The following CDR2 variants were observed in gnomAD, a reference collection of about 807,000 sequenced individuals.
The protein encoded by CDR2 is cerebellar degeneration-related protein 2.
In CDR2, 34 loss-of-function variants were observed where a neutral mutation model predicts 48.4. The observed-to-expected ratio is 0.70, with a 90% CI of 0.53 to 0.94. CDR2 has a LOEUF of 0.94. Among genes scored for constraint, CDR2 ranks in the 40% least tolerant of loss-of-function variants. The pLI is 0.00. For synonymous variants in CDR2, 240 were observed against 219.7 expected, an observed-to-expected ratio of 1.09 and a Z score of -0.82; for missense variants, 498 against 549.5, an observed-to-expected ratio of 0.91 and a Z score of 0.94.
intron 2 of CDR2, among the ~76,000 whole-genome samples, chr16:22,353,755 T>C (rs1322733649): frequency 6.6e-6 from 1 of 152,168 alleles, no homozygotes; most frequent in African/African-American, 2.4e-5. Flanking sequence ...AGATACTACA[T>C]AAGCTGGAAT....
At chr16:22,364,705 A>G (rs984657626) in intron 2 of CDR2, among the ~76,000 whole-genome samples, 197 bp downstream of exon 2, 1 of 152,160 alleles carries the variant, frequency 6.6e-6, no homozygotes, top group African/African-American at 2.4e-5. Flanking sequence ...TCTACCAAAA[A>G]TACAAAAATT....
rs760931808 is a variant in CDR2, at chr16:22,347,354, C to T, written c.976G>A (p.Gly326Ser). 89 of 1,614,106 alleles carry T rather than the reference C, an allele frequency of 5.5e-5. No individual in the cohort carries two copies. In the Middle Eastern group the frequency reaches 1.2e-3, roughly 21 times the overall value. ...SSLAGSDIVK[G>S]HEETCIRRAK... ...CTCCTGATGCAGGTCTCCTCGTGGC[C>T]CTTCACGATGTCACTCCCTGCCAAG... The change falls in exon 5 of 5, where the codon GGC (glycine) becomes AGC (serine). Residue 326 changes from glycine (G) to serine (S), a missense_variant. By Grantham distance (56) the Gly-to-Ser change is moderately conservative. Coordinates refer to ENST00000268383, the MANE Select transcript of CDR2 (RefSeq NM_001802.2).
chr16:22,354,521 C>G (rs2048960897), intron 2 of CDR2, among the ~76,000 whole-genome samples: 1 of 152,150 alleles, frequency 6.6e-6, no homozygotes, highest in Non-Finnish European at 1.5e-5. Flanking sequence ...CTTGAGTGAT[C>G]CTTCCTAACT....
intron 2 of CDR2, among the ~76,000 whole-genome samples, chr16:22,359,727 G>C (rs2048999416): frequency 2.6e-5 from 4 of 152,110 alleles, no homozygotes; most frequent in Admixed American, 2.6e-4. Flanking sequence ...CTAAAACAGA[G>C]GCCAGAGCCC....
rs375192065 is a variant in CDR2 at position 22,347,849 on chromosome 16, A to G, written c.507-26T>C. Reference sequence around the variant, plus strand: ...CTAGGGAAAAAAATATTGAAAGAATATATTACACAGGTCCACTGAAAATGA... The same window carrying G: ...CTAGGGAAAAAAATATTGAAAGAATGTATTACACAGGTCCACTGAAAATGA... On this transcript the variant is annotated intron_variant, in intron 4 of 4. Transcript: ENST00000268383. The G allele has an allele frequency of 3.5e-5, 55 of 1,573,356 alleles. 1 individual carries two copies. In the African/African-American group the frequency reaches 5.5e-4, roughly 16 times the overall value.
chr16:22,347,140 T>A lies in CDR2; in HGVS notation c.1190A>T (p.Glu397Val). Reference sequence around the variant, plus strand: ...CAGTTCCCAGCCGCTGGCAACAGGCTCAGACTGGGCGTTCACTCCAGTCAG... The same window carrying A: ...CAGTTCCCAGCCGCTGGCAACAGGCACAGACTGGGCGTTCACTCCAGTCAG... ...KDLTGVNAQSEPVASGWELAS... is the reference protein window; with the variant it reads ...KDLTGVNAQSVPVASGWELAS... Residue 397 changes from glutamate to valine, a missense_variant, in exon 5 of 5, where the codon GAG becomes GTG. Physicochemically the swap from Glu to Val is moderately radical, Grantham distance 121 (BLOSUM62 -2). Coordinates refer to ENST00000268383, the MANE Select transcript of CDR2 (RefSeq NM_001802.2). 6.2e-7 allele frequency: 1 copy of A among 1,614,252 alleles called. No homozygotes were observed. Among genetic ancestry groups the A allele is most frequent in the Non-Finnish European group, 8.5e-7 (1 of 1,180,038 alleles).
intron 2 of CDR2, among the ~76,000 whole-genome samples, chr16:22,361,392 G>C (rs1288664377): frequency 6.6e-6 from 1 of 152,224 alleles, no homozygotes; most frequent in East Asian, 1.9e-4. Flanking sequence ...CCTGAAGGTT[G>C]CAATAAGAGG....
At position 22,374,229 on chromosome 16, in the gene CDR2, A is replaced by T; in HGVS notation, c.79+2T>A. The T allele has an allele frequency of 6.3e-7, 1 of 1,579,078 alleles. No individual in the cohort carries two copies. The highest frequency in any genetic ancestry group is 8.6e-7 in the Non-Finnish European group (1 of 1,161,872). ...CCGCCCGCGGGGCGCCCCCGCCCTC[A>T]CCTTGCTGGAGGTCCTGGTGGTCGT... On this transcript the variant is annotated splice_donor_variant, in intron 1 of 4. Transcript: ENST00000268383. LOFTEE classifies it high-confidence loss of function.
Position 22,374,322 on chromosome 16 carries a change from T to C in CDR2, c.-13A>G. On this transcript the variant is annotated 5_prime_UTR_variant, in exon 1 of 5. Transcript: ENST00000268383. ...TTTCCGCCAGCATCTCGGCTGGGTC[T>C]TCTAGGGGCAGCGGCCCCCGCCGCC... 6.3e-7 allele frequency: 1 copy of C among 1,578,642 alleles called. No individual in the cohort carries two copies. Among genetic ancestry groups the C allele is most frequent in the Non-Finnish European group, 8.6e-7 (1 of 1,159,932 alleles).
At chr16:22,356,607 G>A (rs548985949) in intron 2 of CDR2, among the ~76,000 whole-genome samples, 1 of 152,170 alleles carries the variant, frequency 6.6e-6, no homozygotes, top group African/African-American at 2.4e-5. Flanking sequence ...ACAAAAATTC[G>A]CCGGGCATGA....
At chr16:22,358,504 G>C (rs951678095) in intron 2 of CDR2, among the ~76,000 whole-genome samples, 1 of 151,692 alleles carries the variant, frequency 6.6e-6, no homozygotes, top group Non-Finnish European at 1.5e-5. Context: ...AAGGCCAGCA[G>C]AATTACATAA....
At chr16:22,360,090 G>A (rs1332603435) in intron 2 of CDR2, among the ~76,000 whole-genome samples, 2 of 152,182 alleles carry the variant, frequency 1.3e-5, no homozygotes, top group Non-Finnish European at 2.9e-5. Flanking sequence ...TCCTGTAGGG[G>A]ATAATGCAGG....
intron 2 of CDR2, among the ~76,000 whole-genome samples, chr16:22,353,253 GA>G (rs1299528483): frequency 2.0e-5 from 3 of 152,136 alleles, no homozygotes; most frequent in Non-Finnish European, 4.4e-5. Flanking sequence ...AAGGGCATGT[GA>G]AAGGCCGATT....
rs146363468 is a variant in CDR2 at position 22,351,912 on chromosome 16, A to C, written c.193-2063T>G. Reference sequence around the variant, plus strand: ...AGAGGGGAGAAATGGTTTGAAGCTTACTGATGATCAAACTGTAAAAGACTC... The same window carrying C: ...AGAGGGGAGAAATGGTTTGAAGCTTCCTGATGATCAAACTGTAAAAGACTC... On this transcript the variant is annotated intron_variant, in intron 2 of 4. Transcript: ENST00000268383. Among the ~76,000 whole-genome samples the C allele has an allele frequency of 3.3e-4, 51 of 152,304 alleles. No individual in the cohort carries two copies. The Middle Eastern group carries it at 0.01, about 30-fold the overall frequency.
In CDR2 at chr16:22,347,460, C is replaced by T; in HGVS notation, c.870G>A (p.Leu290=). 6.2e-7 allele frequency: 1 copy of T among 1,614,036 alleles called. No homozygotes were observed. Among genetic ancestry groups the T allele is most frequent in the South Asian group, 1.1e-5 (1 of 91,070 alleles). ...YVPFKEPSQS[L]LEEMFLTVPE... ...GCACAGTCAGGAACATCTCTTCCAGCAGGCTCTGGCTGGGCTCTTTGAAAG... is the reference window on the plus strand; with the variant it reads ...GCACAGTCAGGAACATCTCTTCCAGTAGGCTCTGGCTGGGCTCTTTGAAAG... Residue 290 remains leucine, a synonymous_variant, in exon 5 of 5, where the codon CTG becomes CTA. Transcript: ENST00000268383.
At chr16:22,366,502 G>A (rs938331358) in intron 1 of CDR2, among the ~76,000 whole-genome samples, 1 of 152,180 alleles carries the variant, frequency 6.6e-6, no homozygotes, top group African/African-American at 2.4e-5. Flanking sequence ...AATGTGTGAA[G>A]GAACAGAATA....
chr16:22,369,301 A>G (rs1335364233), intron 1 of CDR2, among the ~76,000 whole-genome samples: 3 of 145,278 alleles, frequency 2.1e-5, no homozygotes, highest in Non-Finnish European at 3.0e-5. Flanking sequence ...AAAAAAAAAA[A>G]GAAAAAAAAC....
chr16:22,355,791 T>C (rs1175467755), intron 2 of CDR2, among the ~76,000 whole-genome samples: 1 of 152,252 alleles, frequency 6.6e-6, no homozygotes. Flanking sequence ...TTTCTGTTTC[T>C]GCTTTCCTCA....
At chr16:22,351,314 C>CA (rs1199787980) in intron 2 of CDR2, among the ~76,000 whole-genome samples, 1 of 152,158 alleles carries the variant, frequency 6.6e-6, no homozygotes, top group Non-Finnish European at 1.5e-5. Context: ...AATAGTGCCG[C>CA]AATAAACATA....
Sources: gnomAD v4.1 joint callset for allele counts (sites outside exome capture counted in the v4.1 genomes callset) on GRCh38, gnomAD v4.1.1 for gene constraint, MANE v1.5 for transcripts, NCBI Gene and HGNC (gene_info 2026-07-23, HGNC 2026-07-21) for gene names.